Variants in MAP2K2 observed in about 807,000 individuals in gnomAD.
The protein encoded by MAP2K2 is dual specificity mitogen-activated protein kinase kinase 2.
Under a neutral mutation model 43.7 loss-of-function variants are expected in MAP2K2, and 24 were observed. The ratio of observed to expected loss-of-function variants is 0.55; its 90% CI spans 0.40 to 0.77. The LOEUF (loss-of-function observed/expected upper bound fraction) is 0.77, where lower values mean the gene tolerates loss of function less well. Ranked by LOEUF, MAP2K2 falls within the 30% of genes least tolerant of loss-of-function variation. The probability of loss-of-function intolerance (pLI) is 0.00; values close to 1 mark genes in which losing one functional copy is unlikely to be tolerated. For missense variants in MAP2K2, 470 were observed against 566.8 expected, an observed-to-expected ratio of 0.83 and a Z score of 1.73; for synonymous variants, 244 against 239.7, an observed-to-expected ratio of 1.02 and a Z score of -0.17.
intron 3 of MAP2K2, among the ~76,000 whole-genome samples, chr19:4,105,884 G>A (rs1342160264): frequency 6.6e-6 from 1 of 151,686 alleles, no homozygotes; most frequent in Admixed American, 6.6e-5. Flanking sequence ...GGCTGCTCTC[G>A]AAGTCCTGGC....
rs1313398264 is a variant in MAP2K2 at position 4,123,828 on chromosome 19, A to G, written c.48T>C (p.Pro16=). 6.4e-7 allele frequency: 1 copy of G among 1,564,392 alleles called. No individual in the cohort carries two copies. Among genetic ancestry groups the G allele is most frequent in the Admixed American group, 1.8e-5 (1 of 54,776 alleles). Residue 16 remains proline (P), a synonymous_variant, in exon 1 of 11, where the codon CCT becomes CCC. Coordinates refer to ENST00000262948, the MANE Select transcript of MAP2K2 (RefSeq NM_030662.4). ...KPVLPALTIN[P]TIAEGPSPTS... ...TAGGGGATGGGCCCTCGGCGATGGT[A>G]GGGTTGATGGTGAGCGCCGGCAGCA... is the stretch of plus-strand genomic sequence containing the variant.
At chr19:4,098,871 A>G (rs2040958840) in intron 7 of MAP2K2, among the ~76,000 whole-genome samples, 1 of 152,224 alleles carries the variant, frequency 6.6e-6, no homozygotes, top group Non-Finnish European at 1.5e-5. Flanking sequence ...AATTCCTTCC[A>G]CTTTTCTGTG....
chr19:4,115,700 G>A lies in MAP2K2; in HGVS notation c.303+1719C>T, dbSNP rs2041212215. 6.6e-6 allele frequency among the ~76,000 whole-genome samples: 1 copy of A among 152,190 alleles called. No homozygotes were observed. The highest frequency in any genetic ancestry group is 2.4e-5 in the African/African-American group (1 of 41,450). ...GCTAAATCCCCGCAGGAGTTGAGCC[G>A]CTGCTCCCGAGGAAGGCAGGGCCCT... On this transcript the variant is annotated intron_variant, in intron 2 of 10. Transcript: ENST00000262948. The surrounding 1 kb of genome is among the most constrained non-coding windows in gnomAD (Gnocchi z 4.1).
chr19:4,123,673 A>T, intron 1 of MAP2K2, 111 bp downstream of exon 1: 1 of 199,216 alleles, frequency 5.0e-6, no homozygotes, highest in African/African-American at 5.8e-5. Flanking sequence ...CTCCCCCGTG[A>T]CCCCCCTGCC....
intron 3 of MAP2K2, chr19:4,103,002 T>A: frequency 9.4e-7 from 1 of 1,060,698 alleles, no homozygotes; most frequent in East Asian, 8.1e-5. Flanking sequence ...GGGGGCTCCC[T>A]CGCCAAGCCC....
At chr19:4,117,999 G>A (rs1202495439) in intron 1 of MAP2K2, among the ~76,000 whole-genome samples, 5 of 151,916 alleles carry the variant, frequency 3.3e-5, no homozygotes, top group South Asian at 2.1e-4. Context: ...ATGCAGTGGC[G>A]CGATCTCGGC....
intron 7 of MAP2K2, among the ~76,000 whole-genome samples, chr19:4,098,578 C>T (rs989191457): frequency 3.3e-5 from 5 of 152,200 alleles, no homozygotes; most frequent in South Asian, 2.1e-4. Context: ...TTCCCTCAGG[C>T]GGTGGAAGTG....
chr19:4,121,186 G>A (rs1367674375), intron 1 of MAP2K2, among the ~76,000 whole-genome samples: 1 of 151,922 alleles, frequency 6.6e-6, no homozygotes, highest in African/African-American at 2.4e-5. Context: ...CTGCCAGCAC[G>A]CCACCCGGAC....
At chr19:4,119,983 G>C (rs560139659) in intron 1 of MAP2K2, among the ~76,000 whole-genome samples, 1 of 152,388 alleles carries the variant, frequency 6.6e-6, no homozygotes, top group East Asian at 1.9e-4. Flanking sequence ...GCTGCAAAGA[G>C]CTCGCTGGAA....
intron 10 of MAP2K2, 116 bp from the exon 11 acceptor site, chr19:4,090,824 G>GA: frequency 1.3e-6 from 1 of 744,684 alleles, no homozygotes; most frequent in East Asian, 2.7e-5. Context: ...AAACAGAGGA[G>GA]ACCCTCCCTT....
At chr19:4,099,629 G>C (rs968092800) in intron 6 of MAP2K2, 2 of 593,030 alleles carry the variant, frequency 3.4e-6, no homozygotes, top group East Asian at 2.8e-5. Flanking sequence ...GCCTGGAGCT[G>C]GTGTTGACCG....
At chr19:4,097,994 T>C (rs1456632537) in intron 7 of MAP2K2, among the ~76,000 whole-genome samples, 1 of 152,178 alleles carries the variant, frequency 6.6e-6, no homozygotes, top group Admixed American at 6.5e-5. Context: ...ATCCCAGCAG[T>C]CTGGCTGGAG....
At position 4,099,418 on chromosome 19, in the gene MAP2K2, C is replaced by T. The variant is rs1480353333; in HGVS notation, c.706-4G>A. ...GTGTGCCCTGCAACCGCTCCGGCTG[C>T]AGCAGAGCCAGGGAGGAAAGAGCCC... On this transcript the variant is annotated splice_polypyrimidine_tract_variant and splice_region_variant and intron_variant, in intron 6 of 10. Coordinates refer to ENST00000262948, the MANE Select transcript of MAP2K2 (RefSeq NM_030662.4). The T allele has an allele frequency of 1.3e-6, 2 of 1,594,314 alleles. No homozygotes were observed. The highest frequency in any genetic ancestry group is 1.3e-5 in the African/African-American group (1 of 74,426).
intron 1 of MAP2K2, among the ~76,000 whole-genome samples, chr19:4,118,895 T>C (rs905698467): frequency 1.3e-5 from 2 of 152,254 alleles, no homozygotes; most frequent in African/African-American, 4.8e-5. Context: ...ACAAATGCCT[T>C]GACTCAGAAC....
Position 4,101,218 on chromosome 19 carries a change from C to T in MAP2K2, c.580+11G>A. On this transcript the variant is annotated intron_variant, in intron 5 of 10. Coordinates refer to ENST00000262948, the MANE Select transcript of MAP2K2 (RefSeq NM_030662.4). The surrounding 1 kb of genome is among the most constrained non-coding windows in gnomAD (Gnocchi z 6.3). ...CCCCCGGGGCTCTGGGGAGGGCGGGCTGGGCCTTACCTCGGTGCATGATCT... is the reference window on the plus strand; with the variant it reads ...CCCCCGGGGCTCTGGGGAGGGCGGGTTGGGCCTTACCTCGGTGCATGATCT... The T allele has an allele frequency of 6.5e-7, 1 of 1,541,490 alleles. No individual in the cohort carries two copies. The highest frequency in any genetic ancestry group is 8.8e-7 in the Non-Finnish European group (1 of 1,134,556).
chr19:4,102,596 G>A (rs1050934040), intron 3 of MAP2K2, 143 bp from the exon 4 acceptor site: 2 of 894,672 alleles, frequency 2.2e-6, no homozygotes, highest in African/African-American at 3.3e-5. Flanking sequence ...ACGGGCCAAG[G>A]GCAGGGCGTC....
chr19:4,109,599 T>C (rs2041129716), intron 3 of MAP2K2, among the ~76,000 whole-genome samples: 1 of 152,244 alleles, frequency 6.6e-6, no homozygotes, highest in South Asian at 2.1e-4. Context: ...CATTTTTAAA[T>C]GTTGTTAACA....
chr19:4,123,849 C>G lies in MAP2K2; in HGVS notation c.27G>C (p.Leu9=). The G allele has an allele frequency of 6.6e-7, 1 of 1,524,780 alleles. No individual in the cohort carries two copies. Among genetic ancestry groups the G allele is most frequent in the Non-Finnish European group, 8.8e-7 (1 of 1,139,226 alleles). 94.5% of individuals were successfully genotyped at this position (1,524,780 alleles called of 1,614,324 possible). A position where few individuals can be genotyped will look rare whatever the true frequency, so the allele number is the denominator to read the frequency against. ...TGGTAGGGTTGATGGTGAGCGCCGG[C>G]AGCACCGGCTTCCTCCGGGCCAGCA... is the stretch of plus-strand genomic sequence containing the variant. MLARRKPV[L]PALTINPTIA... The change falls in exon 1 of 11, where the codon CTG becomes CTC. Residue 9 remains leucine, a synonymous_variant. Transcript: ENST00000262948.
At chr19:4,107,927 G>C (rs1329075555) in intron 3 of MAP2K2, among the ~76,000 whole-genome samples, 2 of 152,176 alleles carry the variant, frequency 1.3e-5, no homozygotes, top group Non-Finnish European at 2.9e-5. Context: ...CAAGAGTCCT[G>C]TCCCGAACCC....
Sources: gnomAD v4.1 joint callset for allele counts (sites outside exome capture counted in the v4.1 genomes callset) on GRCh38, gnomAD v4.1.1 for gene constraint, Gnocchi (gnomAD v3.1) non-coding constraint, MANE v1.5 for transcripts, NCBI Gene and HGNC (gene_info 2026-07-23, HGNC 2026-07-21) for gene names.